Variants in ALDH1A2 observed in about 807,000 individuals in gnomAD.
ALDH1A2 encodes the protein retinal dehydrogenase 2.
ALDH1A2 carries 27 observed loss-of-function variants against 60.3 expected under a neutral mutation model. That is an observed-to-expected ratio of 0.45 (90% confidence interval 0.33 to 0.62). The LOEUF is 0.62. Among genes scored for constraint, ALDH1A2 ranks in the 20% least tolerant of loss-of-function variants. The probability of loss-of-function intolerance (pLI) is 0.02; values close to 1 mark genes in which losing one functional copy is unlikely to be tolerated. For missense variants in ALDH1A2, 581 were observed against 643.8 expected, an observed-to-expected ratio of 0.90 and a Z score of 1.06; for synonymous variants, 289 against 232.4, an observed-to-expected ratio of 1.24 and a Z score of -2.21.
intron 4 of ALDH1A2, among the ~76,000 whole-genome samples, chr15:58,002,748 AT>A (rs753524322): frequency 6.6e-6 from 1 of 151,952 alleles, no homozygotes; most frequent in African/African-American, 2.4e-5. Flanking sequence ...AATTCAGTGA[AT>A]GAAGGTCATC....
intron 1 of ALDH1A2, among the ~76,000 whole-genome samples, chr15:58,047,684 A>G (rs1232476777): frequency 6.6e-6 from 1 of 152,040 alleles, no homozygotes; most frequent in Admixed American, 6.6e-5. Context: ...ATACAGAGTA[A>G]AACAATAAGG....
intron 3 of ALDH1A2, chr15:58,012,242 C>T (rs1595666131): frequency 6.6e-6 from 1 of 152,108 alleles, no homozygotes; most frequent in South Asian, 2.1e-4. Flanking sequence ...TCTTCTAGCA[C>T]AGTGTTAATC....
chr15:57,994,967 T>G, intron 5 of ALDH1A2, 111 bp downstream of exon 5: 1 of 1,066,436 alleles, frequency 9.4e-7, no homozygotes, highest in Non-Finnish European at 1.5e-6. Context: ...GAGCTCAGTT[T>G]TTTTTCCTCC....
chr15:58,024,925 G>A (rs1185810472), intron 1 of ALDH1A2, among the ~76,000 whole-genome samples: 1 of 152,086 alleles, frequency 6.6e-6, no homozygotes, highest in Non-Finnish European at 1.5e-5. Context: ...TAAACAACAT[G>A]CTCCTGAATG....
At chr15:57,977,324 A>G (rs539484074) in intron 7 of ALDH1A2, among the ~76,000 whole-genome samples, 8 of 152,186 alleles carry the variant, frequency 5.3e-5, no homozygotes, top group African/African-American at 1.2e-4. Flanking sequence ...GCCCATGCCT[A>G]TGTCCTGAAT....
chr15:58,010,992 C>G (rs560767710), intron 3 of ALDH1A2, among the ~76,000 whole-genome samples: 1 of 152,124 alleles, frequency 6.6e-6, no homozygotes, highest in Non-Finnish European at 1.5e-5. Flanking sequence ...TGTGCATATT[C>G]CTGTGCTTCC....
intron 1 of ALDH1A2, among the ~76,000 whole-genome samples, chr15:58,059,360 T>C (rs558460556): frequency 1.8e-4 from 28 of 152,334 alleles, no homozygotes; most frequent in African/African-American, 6.0e-4. Context: ...AGCCACGGCC[T>C]GGTGCTTTTA....
intron 7 of ALDH1A2, among the ~76,000 whole-genome samples, chr15:57,974,957 T>C (rs1388543606): frequency 6.6e-6 from 1 of 152,196 alleles, no homozygotes; most frequent in Admixed American, 6.5e-5. Flanking sequence ...CTGTGGCAAA[T>C]ACACAAATGA....
Position 57,953,865 on chromosome 15 carries a change from A to G in ALDH1A2, c.*1332T>C, listed in dbSNP as rs1343958853. On this transcript the variant is annotated 3_prime_UTR_variant, in exon 13 of 13. Transcript: ENST00000249750. ...AGACTGGATTGGATTTGACAGCTGG[A>G]AAGATGGAAGAAGGGATGGAAGAAG... The G allele has an allele frequency of 2.0e-5, 3 of 152,438 alleles. No individual in the cohort carries two copies. Among genetic ancestry groups the G allele is most frequent in the Admixed American group, 1.3e-4 (2 of 15,280 alleles). 9.4% of individuals were successfully genotyped at this position (152,438 alleles called of 1,614,324 possible). A position where few individuals can be genotyped will look rare whatever the true frequency, so the allele number is the denominator to read the frequency against.
rs181224357 is a variant in ALDH1A2 at position 57,975,831 on chromosome 15, A to C, written c.799-10004T>G. Among the ~76,000 whole-genome samples the C allele has an allele frequency of 2.9e-3, 435 of 152,124 alleles. 1 individual carries two copies. The highest frequency in any genetic ancestry group is 0.01 in the African/African-American group (415 of 41,496). On this transcript the variant is annotated intron_variant, in intron 7 of 12. Coordinates refer to ENST00000249750, the MANE Select transcript of ALDH1A2 (RefSeq NM_003888.4). ...GGAATGTGGGGGTGGGGGTGGAGAGAGAGATAAGACAGAGAGATTACAAAG... is the reference window on the plus strand; with the variant it reads ...GGAATGTGGGGGTGGGGGTGGAGAGCGAGATAAGACAGAGAGATTACAAAG...
intron 4 of ALDH1A2, among the ~76,000 whole-genome samples, chr15:58,003,537 T>G (rs1334697202): frequency 6.6e-6 from 1 of 151,932 alleles, no homozygotes; most frequent in Non-Finnish European, 1.5e-5. Flanking sequence ...TAAGTCCATT[T>G]TAATATCAGA....
At chr15:57,992,506 A>G (rs1279793956) in intron 7 of ALDH1A2, among the ~76,000 whole-genome samples, 199 bp downstream of exon 7, 1 of 152,230 alleles carries the variant, frequency 6.6e-6, no homozygotes, top group East Asian at 1.9e-4. Flanking sequence ...ATGCTCAGAT[A>G]TCTGTGGGGT....
At chr15:57,964,140 C>T in intron 8 of ALDH1A2, 71 bp from the exon 9 acceptor site, 1 of 1,546,056 alleles carries the variant, frequency 6.5e-7, no homozygotes, top group Non-Finnish European at 8.9e-7. Flanking sequence ...CCGCCTCCCT[C>T]CCCTCTCCAA....
At chr15:58,004,081 A>G (rs1485358514) in intron 4 of ALDH1A2, among the ~76,000 whole-genome samples, 2 of 151,862 alleles carry the variant, frequency 1.3e-5, no homozygotes, top group Non-Finnish European at 1.5e-5. Context: ...CAATTCAGAG[A>G]GAGAAGCAGC....
At chr15:58,063,826 T>C (rs1209578261) in intron 1 of ALDH1A2, among the ~76,000 whole-genome samples, 2 of 152,138 alleles carry the variant, frequency 1.3e-5, no homozygotes, top group Non-Finnish European at 2.9e-5. Context: ...AGTGGGAAAG[T>C]GGATACTGGA....
At chr15:57,999,270 G>C (rs1473988926) in intron 4 of ALDH1A2, among the ~76,000 whole-genome samples, 1 of 152,046 alleles carries the variant, frequency 6.6e-6, no homozygotes. Flanking sequence ...TACAGAATGG[G>C]AGAAATTTTT....
intron 7 of ALDH1A2, among the ~76,000 whole-genome samples, chr15:57,986,098 C>T (rs1447082921): frequency 1.3e-5 from 2 of 152,186 alleles, no homozygotes; most frequent in African/African-American, 4.8e-5. Flanking sequence ...GAGACTTCTG[C>T]TTCTAATTGT....
rs189932746 is a variant in ALDH1A2 at position 57,964,965 on chromosome 15, T to G, written c.901+760A>C. ...AATCTGCTTTTGGTTTTCTGATCTC[T>G]CTGGTGGTGAGACTGGGAAAGCAGC... is the stretch of plus-strand genomic sequence containing the variant. On this transcript the variant is annotated intron_variant, in intron 8 of 12. Coordinates refer to ENST00000249750, the MANE Select transcript of ALDH1A2 (RefSeq NM_003888.4). Among the ~76,000 whole-genome samples, 4 of 151,960 alleles carry G rather than the reference T, an allele frequency of 2.6e-5. No homozygotes were observed. In the East Asian group the frequency reaches 7.7e-4, roughly 29 times the overall value.
In ALDH1A2 at chr15:57,972,039, G is replaced by GTTGA. The variant is rs781277733; in HGVS notation, c.799-6216_799-6213dup. ...GCCATCGTGTCCAGCTAATGTTATT[G>GTTGA]TTGATTGAGCACCTATTCTGTCTAC... On this transcript the variant is annotated intron_variant, in intron 7 of 12. Transcript: ENST00000249750. 1.8e-4 allele frequency among the ~76,000 whole-genome samples: 27 copies of GTTGA among 152,250 alleles called. 2 individuals are homozygous for GTTGA. The highest frequency in any genetic ancestry group is 6.3e-4 in the African/African-American group (26 of 41,540).
Sources: gnomAD v4.1 joint callset for allele counts (sites outside exome capture counted in the v4.1 genomes callset) on GRCh38, gnomAD v4.1.1 for gene constraint, MANE v1.5 for transcripts, NCBI Gene and HGNC (gene_info 2026-07-23, HGNC 2026-07-21) for gene names.